Variants in TAF1 observed in about 807,000 individuals in gnomAD.
TAF1 encodes the protein transcription initiation factor TFIID subunit 1.
TAF1 carries 2 observed loss-of-function variants against 138.5 expected under a neutral mutation model. The observed-to-expected ratio is 0.01, with a 90% CI of 0.01 to 0.05. The LOEUF is 0.05. Ranked by LOEUF, TAF1 falls within the 10% of genes least tolerant of loss-of-function variation. The pLI is 1.00. For missense variants in TAF1, 709 were observed against 1,478.0 expected (o/e 0.48, Z 8.53); for synonymous variants, 437 against 503.2 (o/e 0.87, Z 1.76).
rs979964578 is a variant in TAF1, at chrX:71,516,917, C to T, written c.1367-11625C>T. The stretch of plus-strand genomic sequence containing the variant: ...TTTTAATTTTTATTTTTAGCAGAGA[C>T]GTGGTTTCACTATGTTGACCAGGCT... On this transcript the variant is annotated intron_variant and NMD_transcript_variant, in intron 13 of 14. Coordinates refer to the TAF1 transcript ENST00000373775. Among the ~76,000 whole-genome samples the T allele has an allele frequency of 2.7e-5, 3 of 109,634 alleles. No individual in the cohort carries two copies. In the South Asian group the frequency reaches 1.2e-3, roughly 43 times the overall value.
intron 13 of TAF1, among the ~76,000 whole-genome samples, chrX:71,503,350 A>ATATATATATATGTGTG (rs1569408610): frequency 3.4e-4 from 34 of 100,672 alleles, no homozygotes; most frequent in African/African-American, 1.3e-3. Flanking sequence ...ATATGTGTAT[A>ATATATATATATGTGTG]TATATATATA....
At chrX:71,410,037 C>T (rs1372729688) in intron 28 of TAF1, among the ~76,000 whole-genome samples, 5 of 109,501 alleles carry the variant, frequency 4.6e-5, no homozygotes, top group African/African-American at 1.3e-4. Context: ...GGATCACAGG[C>T]GCCCACCACC....
At chrX:71,396,853 C>G (rs977514187) in intron 22 of TAF1, among the ~76,000 whole-genome samples, 1 of 108,529 alleles carries the variant, frequency 9.2e-6, no homozygotes, top group Admixed American at 1.0e-4. Flanking sequence ...GGCAATGTGA[C>G]AAGACCCCGT....
At chrX:71,509,454 T>C (rs987751128) in intron 13 of TAF1, among the ~76,000 whole-genome samples, 2 of 111,250 alleles carry the variant, frequency 1.8e-5, no homozygotes, top group African/African-American at 3.3e-5. Flanking sequence ...GTTTCCTGTT[T>C]TGTGTGATGG....
intron 19 of TAF1, 58 bp from the exon 20 acceptor site, chrX:71,392,817 T>G (rs1181186158): frequency 1.7e-6 from 2 of 1,201,376 alleles, no homozygotes; most frequent in Non-Finnish European, 2.2e-6. Context: ...ATGACTTAGA[T>G]GCCTACTTAA....
Position 71,464,186 on chromosome X carries a change from G to A in TAF1, c.*140G>A, listed in dbSNP as rs1047492196. 1.9e-6 allele frequency: 1 copy of A among 538,577 alleles called. No homozygotes were observed. Among genetic ancestry groups the A allele is most frequent in the African/African-American group, 2.4e-5 (1 of 42,394 alleles). 44.4% of individuals were successfully genotyped at this position (538,577 alleles called of 1,213,427 possible). A position where few individuals can be genotyped will look rare whatever the true frequency, so the allele number is the denominator to read the frequency against. ...TAACACCTTAGCCTTTTTAAAAGTA[G>A]TAAGTAAATGATAATAAATCACCTC... is the stretch of plus-strand genomic sequence containing the variant. On this transcript the variant is annotated 3_prime_UTR_variant, in exon 38 of 38. Transcript: ENST00000423759.
At chrX:71,409,099 G>A (rs764748726) in intron 28 of TAF1, among the ~76,000 whole-genome samples, 1 of 111,162 alleles carries the variant, frequency 9.0e-6, no homozygotes, top group East Asian at 2.8e-4. Context: ...TGCTGTGTCT[G>A]AATCTTCGAT....
chrX:71,369,188 G>T (rs1300870237), intron 3 of TAF1, among the ~76,000 whole-genome samples: 1 of 110,771 alleles, frequency 9.0e-6, no homozygotes, highest in Non-Finnish European at 1.9e-5. Context: ...GTAGAGAAGG[G>T]GTTTCACCAT....
At chrX:71,437,649 C>CAA (rs769364946) in intron 32 of TAF1, among the ~76,000 whole-genome samples, 1 of 61,247 alleles carries the variant, frequency 1.6e-5, no homozygotes, top group African/African-American at 6.1e-5. Context: ...ACTCTGTCTC[C>CAA]AAAAAAAAAA....
intron 22 of TAF1, among the ~76,000 whole-genome samples, chrX:71,394,916 G>C (rs1006923250): frequency 2.7e-5 from 3 of 112,019 alleles, no homozygotes; most frequent in African/African-American, 9.7e-5. Context: ...GGATGGTGTC[G>C]AACTCCTGAG....
intron 32 of TAF1, among the ~76,000 whole-genome samples, chrX:71,442,855 G>A (rs1254779364): frequency 4.5e-5 from 5 of 111,926 alleles, no homozygotes; most frequent in Non-Finnish European, 7.5e-5. Flanking sequence ...GTAAGGAAGG[G>A]ATCCAGTTTC....
At chrX:71,377,861 G>C in intron 6 of TAF1, 40 bp downstream of exon 6, 49 of 1,108,593 alleles carry the variant, frequency 4.4e-5, no homozygotes, top group Non-Finnish European at 5.7e-5. Context: ...CCTATGAGAG[G>C]AACAAATGAA....
chrX:71,528,079 G>C (rs575733453), intron 13 of TAF1: 56 of 200,711 alleles, frequency 2.8e-4, no homozygotes, highest in Middle Eastern at 2.0e-3. Flanking sequence ...TTTCACATCT[G>C]GTTGCTCATA....
intron 24 of TAF1, among the ~76,000 whole-genome samples, chrX:71,400,200 G>A (rs955363493): frequency 1.0e-5 from 1 of 100,500 alleles, no homozygotes; most frequent in African/African-American, 3.7e-5. Context: ...AGAGATTTTC[G>A]TGCCTCAGCC....
intron 8 of TAF1, among the ~76,000 whole-genome samples, chrX:71,381,202 C>T (rs2033867325): frequency 8.9e-6 from 1 of 112,412 alleles, no homozygotes; most frequent in Admixed American, 9.5e-5. Flanking sequence ...AACATTTAGG[C>T]TATTTAAATT....
intron 28 of TAF1, among the ~76,000 whole-genome samples, chrX:71,417,502 G>T (rs1407448363): frequency 1.8e-5 from 2 of 110,144 alleles, no homozygotes; most frequent in African/African-American, 6.6e-5. Flanking sequence ...GACCACAGGT[G>T]TGCTTCAGCA....
rs2033910248 is a variant in TAF1 at position 71,381,861 on chromosome X, C to G, written c.1479C>G (p.Pro493=). Residue 493 remains proline, a synonymous_variant, in exon 9 of 38, where the codon CCC becomes CCG. Transcript: ENST00000423759. The stretch of plus-strand genomic sequence containing the variant: ...TCATTTGGGATGCTCAGGCCATGCC[C>G]CGGCTGTTGGAACCTCCTGTTTTGA... The part of the protein sequence containing the change: ...DNIIWDAQAM[P]RLLEPPVLTL... 7.6e-6 allele frequency: 9 copies of G among 1,183,948 alleles called. No individual in the cohort carries two copies. The highest frequency in any genetic ancestry group is 9.1e-6 in the Non-Finnish European group (8 of 880,835).
intron 13 of TAF1, among the ~76,000 whole-genome samples, chrX:71,471,560 G>A (rs893393640): frequency 9.4e-6 from 1 of 105,899 alleles, no homozygotes; most frequent in African/African-American, 3.5e-5. Flanking sequence ...GACTTCCTGG[G>A]CTCAGGTGAT....
intron 32 of TAF1, among the ~76,000 whole-genome samples, chrX:71,452,991 A>G (rs1056164948): frequency 9.0e-6 from 1 of 111,533 alleles, no homozygotes; most frequent in Non-Finnish European, 1.9e-5. Context: ...GGCAGGTTGC[A>G]GTGAGCCGAG....
Sources: gnomAD v4.1 joint callset for allele counts (sites outside exome capture counted in the v4.1 genomes callset) on GRCh38, gnomAD v4.1.1 for gene constraint, MANE v1.5 for transcripts, NCBI Gene and HGNC (gene_info 2026-07-23, HGNC 2026-07-21) for gene names.